Variants in OR1J2 observed in about 807,000 individuals in gnomAD.
OR1J2 encodes the protein olfactory receptor family 1 subfamily J member 2, also known as olfactory receptor 1J2.
For synonymous variants in OR1J2, 142 were observed against 99.7 expected (o/e 1.42, Z -2.52); for missense variants, 304 against 246.1 (o/e 1.24, Z -1.57).
the OR1J2 span, among the ~76,000 whole-genome samples, chr9:122,520,879 A>G: frequency 6.6e-6 from 1 of 152,144 alleles, no homozygotes; most frequent in African/African-American, 2.4e-5. Flanking sequence ...TTTTTCTTCT[A>G]TCTTCTATGG....
At chr9:122,477,756 G>C in the OR1J2 span, 1 of 1,614,108 alleles carries the variant, frequency 6.2e-7, no homozygotes, top group South Asian at 1.1e-5. Context: ...AGTACATGGG[G>C]GTGTGAAGGT....
upstream of OR1J2, among the ~76,000 whole-genome samples, chr9:122,508,916 A>G (rs1828579471): frequency 6.6e-6 from 1 of 152,158 alleles, no homozygotes; most frequent in African/African-American, 2.4e-5. Context: ...TCTAGAGCAT[A>G]ATCTTGTTTT....
At chr9:122,456,853 C>G in the OR1J2 span, among the ~76,000 whole-genome samples, 1 of 152,146 alleles carries the variant, frequency 6.6e-6, no homozygotes, top group South Asian at 2.1e-4. Flanking sequence ...TCATTTGGAT[C>G]AGCAATCCCA....
At chr9:122,486,784 T>G in the OR1J2 span, among the ~76,000 whole-genome samples, 4 of 152,232 alleles carry the variant, frequency 2.6e-5, no homozygotes, top group African/African-American at 7.2e-5. Context: ...AATCCTGTGT[T>G]TGTCTGATTT....
At chr9:122,542,621 T>C in the OR1J2 span, among the ~76,000 whole-genome samples, 1 of 152,182 alleles carries the variant, frequency 6.6e-6, no homozygotes, top group Non-Finnish European at 1.5e-5. Context: ...TTATACTTGC[T>C]TCCACACATC....
At chr9:122,459,350 T>C in the OR1J2 span, among the ~76,000 whole-genome samples, 1 of 152,144 alleles carries the variant, frequency 6.6e-6, no homozygotes, top group Non-Finnish European at 1.5e-5. Flanking sequence ...CAGTTTTTAG[T>C]TTTTTGAGGA....
At chr9:122,489,044 C>T in the OR1J2 span, among the ~76,000 whole-genome samples, 1 of 150,490 alleles carries the variant, frequency 6.6e-6, no homozygotes, top group Admixed American at 6.6e-5. Context: ...GTGATGTTCC[C>T]ATCTCTGTGT....
chr9:122,537,531 T>C, the OR1J2 span, among the ~76,000 whole-genome samples: 441 of 151,030 alleles, frequency 2.9e-3, 2 homozygotes, highest in African/African-American at 0.01. Flanking sequence ...ATTTGGGCTC[T>C]TTTTTGGTTC....
the OR1J2 span, among the ~76,000 whole-genome samples, chr9:122,532,850 G>A: frequency 6.6e-6 from 1 of 152,134 alleles, no homozygotes; most frequent in Admixed American, 6.6e-5. Context: ...AGGAAGGAAA[G>A]GAGTTGTTTT....
At chr9:122,472,213 C>T in the OR1J2 span, among the ~76,000 whole-genome samples, 1 of 152,172 alleles carries the variant, frequency 6.6e-6, no homozygotes, top group African/African-American at 2.4e-5. Flanking sequence ...TTGAAGCATT[C>T]CCCTGAAGAT....
upstream of OR1J2, among the ~76,000 whole-genome samples, chr9:122,506,286 G>A (rs763278358): frequency 3.9e-5 from 6 of 152,062 alleles, no homozygotes; most frequent in African/African-American, 7.2e-5. Flanking sequence ...ACCCTCTAAC[G>A]TTCCCAGGAC....
chr9:122,571,937 A>C, the OR1J2 span, among the ~76,000 whole-genome samples: 1 of 152,118 alleles, frequency 6.6e-6, no homozygotes, highest in Non-Finnish European at 1.5e-5. Context: ...TTTTAAAGTA[A>C]AGAGGTTCAA....
the OR1J2 span, among the ~76,000 whole-genome samples, chr9:122,462,075 A>G: frequency 6.6e-6 from 1 of 152,056 alleles, no homozygotes; most frequent in Non-Finnish European, 1.5e-5. Context: ...TCTAGTAGTA[A>G]TTGTTTTATA....
chr9:122,555,717 T>A, the OR1J2 span, among the ~76,000 whole-genome samples: 2 of 152,214 alleles, frequency 1.3e-5, no homozygotes, highest in South Asian at 4.1e-4. Flanking sequence ...CAATCTTTTT[T>A]AAATATATAG....
At chr9:122,539,885 A>G in the OR1J2 span, among the ~76,000 whole-genome samples, 8 of 152,128 alleles carry the variant, frequency 5.3e-5, no homozygotes, top group Admixed American at 4.6e-4. Flanking sequence ...GCATTTTTTC[A>G]TGTGTCTTTT....
the OR1J2 span, among the ~76,000 whole-genome samples, chr9:122,570,998 A>G: frequency 3.9e-5 from 6 of 152,134 alleles, no homozygotes; most frequent in Admixed American, 2.6e-4. Flanking sequence ...AAAAATTTGA[A>G]CCTTAAGCCT....
the OR1J2 span, among the ~76,000 whole-genome samples, chr9:122,549,750 T>C: frequency 1.3e-5 from 2 of 152,188 alleles, no homozygotes; most frequent in Non-Finnish European, 2.9e-5. Flanking sequence ...ACCATGTTGT[T>C]TTGGTTACTA....
the OR1J2 span, among the ~76,000 whole-genome samples, chr9:122,577,540 CAA>C: frequency 6.6e-6 from 1 of 152,080 alleles, no homozygotes; most frequent in Non-Finnish European, 1.5e-5. Flanking sequence ...AGCATGTGAA[CAA>C]GTAATTAATG....
chr9:122,554,288 T>A, the OR1J2 span: 15 of 548,444 alleles, frequency 2.7e-5, no homozygotes, highest in African/African-American at 1.2e-4. Flanking sequence ...GTTAGGGATG[T>A]AAAAAAAAAA....
Sources: allele counts gnomAD v4.1 joint callset (sites outside exome capture counted in the v4.1 genomes callset), GRCh38; gene constraint gnomAD v4.1.1; transcripts MANE v1.5; gene names NCBI Gene and HGNC (gene_info 2026-07-23, HGNC 2026-07-21).